Variants in KCNIP4 observed in about 807,000 individuals in gnomAD.
The protein encoded by KCNIP4 is potassium voltage-gated channel interacting protein 4.
KCNIP4 carries 12 observed loss-of-function variants against 34.0 expected under a neutral mutation model. The observed-to-expected ratio is 0.35, with a 90% confidence interval of 0.23 to 0.57. The LOEUF is 0.57. Among genes scored for constraint, KCNIP4 ranks in the 20% least tolerant of loss-of-function variants. The pLI, the probability that KCNIP4 is intolerant of heterozygous loss-of-function variation, is 0.83. For missense variants in KCNIP4, 238 were observed against 311.7 expected (o/e 0.76, Z 1.78); for synonymous variants, 124 against 102.2 (o/e 1.21, Z -1.29).
At chr4:21,894,985 C>T (rs1054082001) in intron 1 of KCNIP4, among the ~76,000 whole-genome samples, 16 of 152,124 alleles carry the variant, frequency 1.1e-4, no homozygotes, top group Non-Finnish European at 1.9e-4. Flanking sequence ...TCCATGTTCT[C>T]TTATCTCTTC....
Position 21,020,912 on chromosome 4 carries a change from A to C in KCNIP4, c.62-138203T>G, listed in dbSNP as rs149122957. Among the ~76,000 whole-genome samples the C allele has an allele frequency of 2.7e-3, 409 of 152,306 alleles. 2 individuals are homozygous for C. The highest frequency in any genetic ancestry group is 6.8e-3 in the Middle Eastern group (2 of 294). Reference sequence around the variant, plus strand: ...CAATTTGAGTAGGTCAAGAATGAGAATCTCTACAGAAACTTGCTAAGACTT... The same window carrying C: ...CAATTTGAGTAGGTCAAGAATGAGACTCTCTACAGAAACTTGCTAAGACTT... On this transcript the variant is annotated intron_variant, in intron 1 of 8. Transcript: ENST00000382152.
intron 1 of KCNIP4, among the ~76,000 whole-genome samples, chr4:21,223,821 T>C (rs545742890): frequency 6.6e-5 from 10 of 152,188 alleles, no homozygotes; most frequent in African/African-American, 1.9e-4. Flanking sequence ...GGTATCACAG[T>C]TTTTAATTTG....
intron 1 of KCNIP4, among the ~76,000 whole-genome samples, chr4:21,515,482 CA>C (rs1013471083): frequency 1.3e-5 from 2 of 151,788 alleles, no homozygotes; most frequent in African/African-American, 2.4e-5. Context: ...ACTAAAAATA[CA>C]AAAAAATTAG....
At chr4:21,350,488 G>C (rs13141449) in intron 1 of KCNIP4, among the ~76,000 whole-genome samples, 1 of 152,064 alleles carries the variant, frequency 6.6e-6, no homozygotes, top group Non-Finnish European at 1.5e-5. Flanking sequence ...CAAACTTCTG[G>C]ACTCTTTTCT....
chr4:21,889,612 C>T (rs375717384), intron 1 of KCNIP4, among the ~76,000 whole-genome samples: 4 of 151,962 alleles, frequency 2.6e-5, no homozygotes, highest in Non-Finnish European at 5.9e-5. Flanking sequence ...AGCTTAAGTA[C>T]GAAAAGGGTT....
At chr4:20,786,913 C>T (rs867893520) in intron 3 of KCNIP4, among the ~76,000 whole-genome samples, 5 of 152,084 alleles carry the variant, frequency 3.3e-5, no homozygotes, top group African/African-American at 1.2e-4. Flanking sequence ...TAACGTAAGA[C>T]GGGCCCGATA....
At chr4:20,971,519 A>G (rs1734951117) in intron 1 of KCNIP4, among the ~76,000 whole-genome samples, 1 of 152,204 alleles carries the variant, frequency 6.6e-6, no homozygotes, top group Admixed American at 6.5e-5. Flanking sequence ...TGTTTACACA[A>G]TACTGTAGTC....
At chr4:20,739,814 C>T (rs773499153) in intron 5 of KCNIP4, among the ~76,000 whole-genome samples, 28 of 152,062 alleles carry the variant, frequency 1.8e-4, no homozygotes, top group Admixed American at 2.6e-4. Context: ...GGAAGATGTT[C>T]GAACCCATCA....
At chr4:21,170,634 T>C (rs561702070) in intron 1 of KCNIP4, among the ~76,000 whole-genome samples, 19 of 152,264 alleles carry the variant, frequency 1.2e-4, no homozygotes, top group African/African-American at 3.8e-4. Context: ...GAAACCTGAA[T>C]TGAATTACAT....
intron 3 of KCNIP4, among the ~76,000 whole-genome samples, chr4:20,848,950 T>C (rs748799303): frequency 4.6e-5 from 7 of 152,212 alleles, no homozygotes; most frequent in Non-Finnish European, 7.3e-5. Flanking sequence ...TTACACCTCC[T>C]TTCCTTTCTG....
At chr4:21,261,636 A>T (rs1761476002) in intron 1 of KCNIP4, among the ~76,000 whole-genome samples, 1 of 152,150 alleles carries the variant, frequency 6.6e-6, no homozygotes, top group African/African-American at 2.4e-5. Context: ...CCATTCTCCC[A>T]GTCACTATAC....
intron 1 of KCNIP4, among the ~76,000 whole-genome samples, chr4:21,827,455 C>G (rs894382582): frequency 5.3e-5 from 8 of 151,912 alleles, no homozygotes; most frequent in African/African-American, 1.7e-4. Flanking sequence ...TTAAAAATTT[C>G]TAATGTACTG....
intron 1 of KCNIP4, among the ~76,000 whole-genome samples, chr4:21,574,349 C>T (rs1406445783): frequency 2.0e-5 from 3 of 150,730 alleles, no homozygotes; most frequent in Non-Finnish European, 3.0e-5. Flanking sequence ...TTTTTAATTT[C>T]CAGCTTTCTT....
intron 1 of KCNIP4, among the ~76,000 whole-genome samples, chr4:21,152,757 G>T (rs1577794846): frequency 6.6e-6 from 1 of 152,290 alleles, no homozygotes; most frequent in East Asian, 1.9e-4. Flanking sequence ...TATCACCTGA[G>T]CTCCGCCTCT....
rs114673528 is a variant in KCNIP4, at chr4:20,910,567, G to A, written c.62-27858C>T. On this transcript the variant is annotated intron_variant, in intron 1 of 8. Transcript: ENST00000382152. ...AGAAATGAAGCAGAACGAGCCTAAC[G>A]GAAATTTCAGAGAAAGCTTTTAGTT... 6.4e-3 allele frequency among the ~76,000 whole-genome samples: 975 copies of A among 152,186 alleles called. 6 individuals carry two copies. The highest frequency in any genetic ancestry group is 0.022 in the African/African-American group (902 of 41,508).
chr4:21,867,344 G>T (rs1469447815), intron 1 of KCNIP4, among the ~76,000 whole-genome samples: 1 of 152,108 alleles, frequency 6.6e-6, no homozygotes, highest in Non-Finnish European at 1.5e-5. Context: ...TTTACCAGAG[G>T]GGGTGGGGTG....
chr4:20,959,309 A>G (rs1381848044), intron 1 of KCNIP4, among the ~76,000 whole-genome samples: 2 of 152,104 alleles, frequency 1.3e-5, no homozygotes, highest in Non-Finnish European at 2.9e-5. Flanking sequence ...TACAATTGCT[A>G]CCCTATAATG....
intron 1 of KCNIP4, among the ~76,000 whole-genome samples, chr4:21,087,904 C>T (rs1253749305): frequency 2.0e-5 from 3 of 152,072 alleles, no homozygotes; most frequent in Non-Finnish European, 4.4e-5. Flanking sequence ...GATAAAAATT[C>T]TCAACATTTA....
intron 1 of KCNIP4, among the ~76,000 whole-genome samples, chr4:21,036,508 A>G (rs539436459): frequency 1.3e-5 from 2 of 152,228 alleles, no homozygotes; most frequent in South Asian, 2.1e-4. Flanking sequence ...TTTGCTGAAA[A>G]TATATCAAGC....
Sources: gnomAD v4.1 joint callset for allele counts (sites outside exome capture counted in the v4.1 genomes callset) on GRCh38, gnomAD v4.1.1 for gene constraint, MANE v1.5 for transcripts, NCBI Gene and HGNC (gene_info 2026-07-23, HGNC 2026-07-21) for gene names.